ARHGAP10: variants seen among roughly 807,000 people sequenced by gnomAD.
ARHGAP10 encodes Rho GTPase activating protein 10.
ARHGAP10 carries 87 observed loss-of-function variants against 108.6 expected under a neutral mutation model. The ratio of observed to expected loss-of-function variants is 0.80; its 90% CI spans 0.67 to 0.96. The LOEUF (loss-of-function observed/expected upper bound fraction) is 0.96, where lower values mean the gene tolerates loss of function less well. Ranked by LOEUF, ARHGAP10 falls within the 40% of genes least tolerant of loss-of-function variation. ARHGAP10 has a pLI of 0.00. For missense variants in ARHGAP10, 939 were observed against 954.5 expected, an observed-to-expected ratio of 0.98 and a Z score of 0.21; for synonymous variants, 347 against 341.1, an observed-to-expected ratio of 1.02 and a Z score of -0.19.
At chr4:148,070,864 G>C (rs1050766497) in intron 22 of ARHGAP10, among the ~76,000 whole-genome samples, 6 of 152,178 alleles carry the variant, frequency 3.9e-5, no homozygotes, top group African/African-American at 1.4e-4. Context: ...GCTGGGGCCT[G>C]CTCACAGCTG....
intron 1 of ARHGAP10, among the ~76,000 whole-genome samples, chr4:147,790,256 A>C (rs1384484415): frequency 1.3e-5 from 2 of 152,144 alleles, no homozygotes; most frequent in Non-Finnish European, 2.9e-5. Context: ...CTTCTCTTAC[A>C]ATAATTCCAT....
At chr4:148,004,661 C>T (rs1301288669) in intron 18 of ARHGAP10, among the ~76,000 whole-genome samples, 1 of 152,196 alleles carries the variant, frequency 6.6e-6, no homozygotes, top group Non-Finnish European at 1.5e-5. Context: ...CAGCAAAAGC[C>T]ACGGCCTTTA....
intron 1 of ARHGAP10, among the ~76,000 whole-genome samples, chr4:147,807,078 G>A (rs915616493): frequency 2.6e-5 from 4 of 152,144 alleles, no homozygotes; most frequent in African/African-American, 9.7e-5. Context: ...AACAGTTTGA[G>A]AATGAAACTT....
intron 19 of ARHGAP10, among the ~76,000 whole-genome samples, chr4:148,042,811 A>C (rs1728691230): frequency 6.6e-6 from 1 of 152,178 alleles, no homozygotes; most frequent in Non-Finnish European, 1.5e-5. Flanking sequence ...TTGGGTGAAT[A>C]AAGTGGATTA....
chr4:148,048,070 G>A (rs1300387706), intron 20 of ARHGAP10, among the ~76,000 whole-genome samples: 7 of 152,128 alleles, frequency 4.6e-5, no homozygotes, highest in Non-Finnish European at 7.4e-5. Context: ...TGATCCACCC[G>A]CCTTGGCCTC....
At chr4:147,981,428 G>A (rs1739801720) in intron 18 of ARHGAP10, among the ~76,000 whole-genome samples, 1 of 152,070 alleles carries the variant, frequency 6.6e-6, no homozygotes, top group South Asian at 2.1e-4. Context: ...AAGATGCTTG[G>A]TATGATTTCA....
intron 6 of ARHGAP10, chr4:147,865,214 A>C (rs935173033): frequency 1.2e-5 from 4 of 331,882 alleles, no homozygotes; most frequent in Non-Finnish European, 2.2e-5. Flanking sequence ...AACCATGTGC[A>C]ATTTCTGCCA....
In ARHGAP10 at chr4:147,969,280, T is replaced by G. The variant is rs1338055660; in HGVS notation, c.1716+2441T>G. Among the ~76,000 whole-genome samples the G allele has an allele frequency of 2.0e-5, 3 of 151,862 alleles. No homozygotes were observed. The East Asian group carries it at 5.8e-4, about 29-fold the overall frequency. On this transcript the variant is annotated intron_variant, in intron 18 of 22. Transcript: ENST00000336498. ...TGATTGGGGATTTTCTTTACCATTATGGTAAAAGCAGCTTGTTTATGGATG... is the reference window on the plus strand; with the variant it reads ...TGATTGGGGATTTTCTTTACCATTAGGGTAAAAGCAGCTTGTTTATGGATG...
chr4:147,742,737 G>A (rs139003756), intron 1 of ARHGAP10, among the ~76,000 whole-genome samples: 22 of 151,696 alleles, frequency 1.5e-4, no homozygotes, highest in African/African-American at 4.6e-4. Flanking sequence ...CGCCTCTCTC[G>A]GCCTCCCAAA....
At chr4:147,885,625 G>A (rs572843839) in intron 10 of ARHGAP10, among the ~76,000 whole-genome samples, 25 of 152,274 alleles carry the variant, frequency 1.6e-4, no homozygotes, top group Non-Finnish European at 2.1e-4. Context: ...AGAGCTTGGC[G>A]GCTATGGCAG....
chr4:147,740,543 A>G (rs1332171006), intron 1 of ARHGAP10, among the ~76,000 whole-genome samples: 1 of 152,130 alleles, frequency 6.6e-6, no homozygotes, highest in East Asian at 1.9e-4. Context: ...ATTTTGTTAA[A>G]TTTTAAGACC....
At chr4:147,798,805 A>G (rs1731457030) in intron 1 of ARHGAP10, among the ~76,000 whole-genome samples, 1 of 131,664 alleles carries the variant, frequency 7.6e-6, no homozygotes, top group African/African-American at 3.1e-5. Flanking sequence ...ATATATATAT[A>G]TATATATATA....
chr4:147,741,168 AT>A (rs34646235), intron 1 of ARHGAP10, among the ~76,000 whole-genome samples: 2 of 152,130 alleles, frequency 1.3e-5, no homozygotes, highest in African/African-American at 4.8e-5. Context: ...CTACCTATGC[AT>A]TTTTTGGATG....
chr4:147,766,053 G>A (rs980477470), intron 1 of ARHGAP10, among the ~76,000 whole-genome samples: 5 of 152,082 alleles, frequency 3.3e-5, no homozygotes, highest in African/African-American at 1.2e-4. Flanking sequence ...GTCTGAGGCC[G>A]GTGGATCACT....
At chr4:147,780,898 A>G (rs1383407631) in intron 1 of ARHGAP10, among the ~76,000 whole-genome samples, 1 of 152,154 alleles carries the variant, frequency 6.6e-6, no homozygotes, top group Non-Finnish European at 1.5e-5. Context: ...GGCTGGTATC[A>G]TCAATTTTGT....
chr4:147,865,532 AT>A (rs1374715210), intron 6 of ARHGAP10: 21 of 152,462 alleles, frequency 1.4e-4, no homozygotes, highest in African/African-American at 4.8e-4. Flanking sequence ...ATGTATGCAC[AT>A]GAATGTATAT....
chr4:147,778,062 G>A (rs1257828199), intron 1 of ARHGAP10, among the ~76,000 whole-genome samples: 1 of 152,138 alleles, frequency 6.6e-6, no homozygotes, highest in Non-Finnish European at 1.5e-5. Flanking sequence ...TACTTTAGGT[G>A]GAGGTATCAG....
At chr4:147,949,755 G>A (rs1738525554) in intron 15 of ARHGAP10, among the ~76,000 whole-genome samples, 2 of 152,194 alleles carry the variant, frequency 1.3e-5, no homozygotes, top group South Asian at 4.1e-4. Flanking sequence ...CTCATAGCTA[G>A]TGCAGGTAAA....
At chr4:148,011,168 A>AC (rs1741156230) in intron 18 of ARHGAP10, among the ~76,000 whole-genome samples, 2 of 152,192 alleles carry the variant, frequency 1.3e-5, no homozygotes. Flanking sequence ...TTATTGGTGA[A>AC]ATTGATCCCT....
Sources: gnomAD v4.1 joint callset for allele counts (sites outside exome capture counted in the v4.1 genomes callset) on GRCh38, gnomAD v4.1.1 for gene constraint, MANE v1.5 for transcripts, NCBI Gene and HGNC (gene_info 2026-07-23, HGNC 2026-07-21) for gene names.